The following PIK3CD variants were observed in gnomAD, a reference collection of about 807,000 sequenced individuals.
The protein encoded by PIK3CD is phosphatidylinositol 4,5-bisphosphate 3-kinase catalytic subunit delta isoform.
PIK3CD carries 20 observed loss-of-function variants against 122.9 expected under a neutral mutation model. The ratio of observed to expected loss-of-function variants is 0.16; its 90% CI spans 0.11 to 0.24. PIK3CD has a LOEUF of 0.24. Among genes scored for constraint, PIK3CD ranks in the 10% least tolerant of loss-of-function variants. The pLI is 1.00. For synonymous variants in PIK3CD, 596 were observed against 593.4 expected (o/e 1.00, Z -0.06); for missense variants, 787 against 1,406.3 (o/e 0.56, Z 7.04).
chr1:9,694,778 C>T (rs547760462), intron 2 of PIK3CD, among the ~76,000 whole-genome samples: 161 of 152,106 alleles, frequency 1.1e-3, no homozygotes, highest in African/African-American at 3.7e-3. Flanking sequence ...TCCTGGGCAA[C>T]GTAGGGAAAT....
chr1:9,682,268 A>T (rs558787587), intron 1 of PIK3CD, among the ~76,000 whole-genome samples: 1 of 152,026 alleles, frequency 6.6e-6, no homozygotes, highest in Admixed American at 6.6e-5. Context: ...ATTATTTGAG[A>T]CAGAGTTTCA....
upstream of PIK3CD, among the ~76,000 whole-genome samples, chr1:9,650,238 A>G (rs1348708541): frequency 1.3e-5 from 2 of 152,096 alleles, no homozygotes; most frequent in Non-Finnish European, 2.9e-5. Flanking sequence ...CCTGGTGAAC[A>G]TGGCGAAACC....
intron 2 of PIK3CD, among the ~76,000 whole-genome samples, chr1:9,707,305 A>C (rs1189231243): frequency 1.3e-5 from 2 of 150,640 alleles, no homozygotes; most frequent in African/African-American, 4.9e-5. Flanking sequence ...AACAAGAGAG[A>C]GGGTAAATTG....
At position 9,691,526 on chromosome 1, in the gene PIK3CD, C is replaced by T. The variant is rs1646195558; in HGVS notation, c.-78C>T. On this transcript the variant is annotated 5_prime_UTR_variant, in exon 2 of 24. It introduces an in-frame stop codon into an upstream open reading frame of the 5' UTR. Transcript: ENST00000377346. ...TGATTCTAAAGCATCTTTAATCTGC[C>T]AGGCGGAGGGGGCTTTGCTGGTCTT... is the stretch of plus-strand genomic sequence containing the variant. The T allele has an allele frequency of 5.0e-6, 2 of 398,414 alleles. No individual in the cohort carries two copies. The highest frequency in any genetic ancestry group is 3.6e-5 in the East Asian group (1 of 28,094). The allele number at this position is 398,414 out of a possible 1,614,324, so 24.7% of individuals were successfully genotyped here. A position where few individuals can be genotyped will look rare whatever the true frequency, so the allele number is the denominator to read the frequency against.
In PIK3CD at chr1:9,710,718, C is replaced by G; in HGVS notation, c.141+122C>G. The G allele has an allele frequency of 9.8e-7, 1 of 1,018,348 alleles. No homozygotes were observed. The highest frequency in any genetic ancestry group is 1.5e-6 in the Non-Finnish European group (1 of 651,338). 63.1% of individuals were successfully genotyped at this position (1,018,348 alleles called of 1,614,324 possible). ...GTGGACAGACGGACAGACAGATGGA[C>G]AGATGCACTGCTTTTCAGACTTGGG... is the stretch of plus-strand genomic sequence containing the variant. On this transcript the variant is annotated intron_variant, in intron 3 of 23. Transcript: ENST00000377346. The surrounding 1 kb of genome is among the most constrained non-coding windows in gnomAD (Gnocchi z 4.7).
intron 2 of PIK3CD, among the ~76,000 whole-genome samples, chr1:9,695,737 G>A (rs899771370): frequency 4.6e-5 from 7 of 151,806 alleles, no homozygotes; most frequent in Non-Finnish European, 2.9e-5. Context: ...AGCTACTTGG[G>A]AGGCTGAGGC....
At position 9,704,816 on chromosome 1, in the gene PIK3CD, TC is replaced by T. The variant is rs1232753853; in HGVS notation, c.-32-5603del. ...GGCGTGAGCCACCACGCCCAGCCGG[TC>T]CCCCAAGTTTTGAAACAAAAGGAAG... is the stretch of plus-strand genomic sequence containing the variant. On this transcript the variant is annotated intron_variant, in intron 2 of 23. Coordinates refer to ENST00000377346, the MANE Select transcript of PIK3CD (RefSeq NM_005026.5). This position sits in a 1 kb window ranked among gnomAD's most constrained non-coding sequence, Gnocchi z 5.0. 3.9e-5 allele frequency among the ~76,000 whole-genome samples: 6 copies of T among 152,118 alleles called. No individual in the cohort carries two copies. The highest frequency in any genetic ancestry group is 7.3e-5 in the Non-Finnish European group (5 of 68,030).
intron 3 of PIK3CD, among the ~76,000 whole-genome samples, chr1:9,713,549 G>A (rs1647139825): frequency 6.6e-6 from 1 of 151,460 alleles, no homozygotes; most frequent in South Asian, 2.1e-4. Flanking sequence ...CTGAGTTAAC[G>A]GTATAACATT....
chr1:9,703,537 A>G (rs1349398701), intron 2 of PIK3CD, among the ~76,000 whole-genome samples: 2 of 151,944 alleles, frequency 1.3e-5, no homozygotes, highest in Non-Finnish European at 2.9e-5. Flanking sequence ...GGTAACCCCT[A>G]TTTCTTTTGC....
chr1:9,674,346 A>G (rs1413121158), intron 1 of PIK3CD, among the ~76,000 whole-genome samples: 1 of 152,212 alleles, frequency 6.6e-6, no homozygotes, highest in Non-Finnish European at 1.5e-5. Context: ...CACTTTTGTA[A>G]TATGTACCCT....
the PIK3CD span, among the ~76,000 whole-genome samples, chr1:9,642,036 A>G: frequency 6.6e-6 from 1 of 152,166 alleles, no homozygotes; most frequent in Non-Finnish European, 1.5e-5. Context: ...AAGCCTGGGG[A>G]AGCAACACCC....
chr1:9,683,139 A>C (rs1645829931), intron 1 of PIK3CD, among the ~76,000 whole-genome samples: 1 of 63,690 alleles, frequency 1.6e-5, no homozygotes, highest in Non-Finnish European at 4.1e-5. Context: ...AAAAAAAAAA[A>C]ACCAAAAAAC....
chr1:9,710,483 G>A lies in PIK3CD; in HGVS notation c.28G>A (p.Glu10Lys), dbSNP rs200039969. The A allele has an allele frequency of 6.2e-7, 1 of 1,614,172 alleles. No homozygotes were observed. The highest frequency in any genetic ancestry group is 2.2e-5 in the East Asian group (1 of 44,886). Residue 10 changes from glutamate to lysine, a missense_variant, in exon 3 of 24, where the codon GAA (glutamate) becomes AAA (lysine). Physicochemically the swap from Glu to Lys is moderately conservative, Grantham distance 56. Coordinates refer to ENST00000377346, the MANE Select transcript of PIK3CD (RefSeq NM_005026.5). The surrounding 1 kb of genome is among the most constrained non-coding windows in gnomAD (Gnocchi z 4.7). The stretch of plus-strand genomic sequence containing the variant: ...GCCCCCTGGGGTGGACTGCCCCATG[G>A]AATTCTGGACCAAGGAGGAGAATCA... MPPGVDCPM[E>K]FWTKEENQSV...
the PIK3CD span, among the ~76,000 whole-genome samples, chr1:9,636,148 C>T: frequency 1.3e-5 from 2 of 152,194 alleles, no homozygotes; most frequent in African/African-American, 4.8e-5. Context: ...TCCCACTGTG[C>T]CCATGTGTGT....
intron 1 of PIK3CD, among the ~76,000 whole-genome samples, chr1:9,685,756 A>AGCCTCAAACTCAAGCGATCCTCCT (rs537388359): frequency 7.2e-5 from 11 of 152,094 alleles, no homozygotes; most frequent in East Asian, 5.8e-4. Flanking sequence ...AGCGCACTGC[A>AGCCTCAAACTCAAGCGATCCTCCT]GCCTCAAACT....
chr1:9,655,535 G>C (rs1238480766), intron 1 of PIK3CD, among the ~76,000 whole-genome samples: 1 of 138,352 alleles, frequency 7.2e-6, no homozygotes, highest in East Asian at 2.1e-4. Context: ...CTGAGGGCCA[G>C]CACAGTCCCT....
At chr1:9,649,814 C>T (rs1644639862), upstream of PIK3CD, among the ~76,000 whole-genome samples, 1 of 152,192 alleles carries the variant, frequency 6.6e-6, no homozygotes, top group African/African-American at 2.4e-5. Context: ...CACCCCCATA[C>T]TCTTGGTCCA....
At chr1:9,671,066 T>G (rs1645307500) in intron 1 of PIK3CD, among the ~76,000 whole-genome samples, 1 of 151,092 alleles carries the variant, frequency 6.6e-6, no homozygotes, top group African/African-American at 2.4e-5. Context: ...CCTAAAAATT[T>G]ATTTATTTAG....
At chr1:9,636,881 C>CT in the PIK3CD span, among the ~76,000 whole-genome samples, 117 of 142,898 alleles carry the variant, frequency 8.2e-4, 2 homozygotes, top group East Asian at 0.025. Context: ...GGCATGGTTT[C>CT]TTTTTTTTCT....
Sources: gnomAD v4.1 joint callset for allele counts (sites outside exome capture counted in the v4.1 genomes callset) on GRCh38, gnomAD v4.1.1 for gene constraint, Gnocchi (gnomAD v3.1) non-coding constraint, MANE v1.5 for transcripts, NCBI Gene and HGNC (gene_info 2026-07-23, HGNC 2026-07-21) for gene names.